The following SRRM1 variants were observed in gnomAD, a reference collection of about 807,000 sequenced individuals.
SRRM1 encodes serine and arginine repetitive matrix 1.
Under a neutral mutation model 110.2 loss-of-function variants are expected in SRRM1, and 19 were observed. That is an observed-to-expected ratio of 0.17 (90% CI 0.12 to 0.25). The LOEUF (loss-of-function observed/expected upper bound fraction) is 0.25, where lower values mean the gene tolerates loss of function less well. SRRM1 is among the 10% of genes least tolerant of loss of function. The pLI is 1.00. For missense variants in SRRM1, 918 were observed against 1,145.8 expected, an observed-to-expected ratio of 0.80 and a Z score of 2.87; for synonymous variants, 443 against 414.9, an observed-to-expected ratio of 1.07 and a Z score of -0.82.
chr1:24,671,332 G>C (rs768694095), intron 15 of SRRM1, 54 bp from the exon 16 acceptor site: 1 of 1,479,964 alleles, frequency 6.8e-7, no homozygotes, highest in Non-Finnish European at 9.2e-7. Flanking sequence ...CAGTTGGACA[G>C]AATATTAATC....
At chr1:24,658,245 C>T (rs1398918752) in intron 9 of SRRM1, among the ~76,000 whole-genome samples, 1 of 137,010 alleles carries the variant, frequency 7.3e-6, no homozygotes, top group African/African-American at 3.0e-5. Context: ...GAGTCTTGCT[C>T]TGTCGCCCAG....
intron 2 of SRRM1, among the ~76,000 whole-genome samples, chr1:24,646,355 G>A (rs1308423828): frequency 6.6e-6 from 1 of 151,918 alleles, no homozygotes; most frequent in South Asian, 2.1e-4. Context: ...GTGAAACCCT[G>A]TCTCTACTAA....
At chr1:24,647,748 A>G (rs534396292) in intron 3 of SRRM1, 1 of 152,756 alleles carries the variant, frequency 6.5e-6, no homozygotes, top group African/African-American at 2.4e-5. Context: ...TTTGTTTTGA[A>G]TATTTTTAAA....
chr1:24,663,214 G>A (rs1475619948), intron 12 of SRRM1: 2 of 1,512,662 alleles, frequency 1.3e-6, no homozygotes, highest in Non-Finnish European at 1.8e-6. Flanking sequence ...GCAATCGCCA[G>A]TGACTAAAAG....
chr1:24,643,577 C>T, intron 1 of SRRM1: 1 of 408,882 alleles, frequency 2.4e-6, no homozygotes, highest in Non-Finnish European at 4.3e-6. Context: ...GCGACGGTGG[C>T]CGGAAAATGG....
chr1:24,649,057 C>T (rs370911450), intron 4 of SRRM1, 28 bp downstream of exon 4: 406 of 1,601,084 alleles, frequency 2.5e-4, no homozygotes, highest in Non-Finnish European at 3.2e-4. Flanking sequence ...TCTGTAATGT[C>T]GATTTGAGAG....
Position 24,670,196 on chromosome 1 carries a change from G to A in SRRM1, c.2281G>A (p.Ala761Thr), listed in dbSNP as rs759132122. 1.2e-6 allele frequency: 2 copies of A among 1,613,888 alleles called. No individual in the cohort carries two copies. Among genetic ancestry groups the A allele is most frequent in the Non-Finnish European group, 1.7e-6 (2 of 1,180,022 alleles). Residue 761 changes from alanine to threonine, a missense_variant, in exon 15 of 17, where the codon GCT (alanine) becomes ACT (threonine). This residue lies in a region of SRRM1 where 357 missense variants were observed against 402.9 expected (regional missense o/e 0.89). Transcript: ENST00000323848. ...RSVSGSPEPA[A>T]KKPPAPPSPV... is the part of the protein sequence containing the mutation. ...TGTCTCCGGGTCTCCTGAGCCAGCAGCTAAAAAGCCCCCAGCACCTCCATC... is the reference window on the plus strand; with the variant it reads ...TGTCTCCGGGTCTCCTGAGCCAGCAACTAAAAAGCCCCCAGCACCTCCATC...
chr1:24,649,795 C>T (rs1016157676), intron 4 of SRRM1, among the ~76,000 whole-genome samples, 176 bp from the exon 5 acceptor site: 4 of 151,838 alleles, frequency 2.6e-5, no homozygotes, highest in Admixed American at 2.6e-4. Flanking sequence ...AAATGAGTGG[C>T]GATAATACCA....
intron 10 of SRRM1, 115 bp downstream of exon 10, chr1:24,660,914 G>C: frequency 3.0e-6 from 2 of 673,434 alleles, no homozygotes; most frequent in Non-Finnish European, 2.5e-6. Context: ...TTAAGTATAG[G>C]GTAAGAGCTA....
At chr1:24,663,294 G>C in intron 12 of SRRM1, 8 of 1,219,872 alleles carry the variant, frequency 6.6e-6, no homozygotes, top group Non-Finnish European at 9.2e-6. Flanking sequence ...TTCCTATTTA[G>C]GTGACCTCAT....
In SRRM1 at chr1:24,652,575, G is replaced by A; in HGVS notation, c.867G>A (p.Arg289=). The A allele has an allele frequency of 6.2e-7, 1 of 1,613,544 alleles. No homozygotes were observed. Among genetic ancestry groups the A allele is most frequent in the East Asian group, 2.2e-5 (1 of 44,840 alleles). ...GCTCCAAATCAAGATCCCGGACGCGGTCCCGCTCTCCTTCTCACACTCGAC... is the reference window on the plus strand; with the variant it reads ...GCTCCAAATCAAGATCCCGGACGCGATCCCGCTCTCCTTCTCACACTCGAC... ...RSRSKSRSRT[R]SRSPSHTRPR... Residue 289 remains arginine, a synonymous_variant, in exon 7 of 17, where the codon CGG becomes CGA. Coordinates refer to ENST00000323848, the MANE Select transcript of SRRM1 (RefSeq NM_005839.4).
At chr1:24,661,234 C>A in intron 10 of SRRM1, 76 bp from the exon 11 acceptor site, 1 of 1,010,110 alleles carries the variant, frequency 9.9e-7, no homozygotes, top group Non-Finnish European at 1.5e-6. Context: ...GTTTGAGAGA[C>A]TATTTTCCTA....
At position 24,652,606 on chromosome 1, in the gene SRRM1, C is replaced by T. The variant is rs766581072; in HGVS notation, c.898C>T (p.Arg300Trp). 35 of 1,606,274 alleles carry T rather than the reference C, an allele frequency of 2.2e-5. No individual in the cohort carries two copies. Among genetic ancestry groups the T allele is most frequent in the African/African-American group, 5.4e-5 (4 of 74,272 alleles). The change falls in exon 7 of 17, where the codon CGG becomes TGG. Residue 300 changes from arginine (R) to tryptophan (W), a missense_variant. Transcript: ENST00000323848. ...SRSPSHTRPR[R>W]RHRSRSRSYS... ...CTCTCCTTCTCACACTCGACCTAGA[C>T]GGCGCCATAGATCCCGATCAAGGTG...
intron 8 of SRRM1, 105 bp from the exon 9 acceptor site, chr1:24,654,750 C>T: frequency 7.1e-7 from 1 of 1,401,570 alleles, no homozygotes; most frequent in Non-Finnish European, 9.8e-7. Flanking sequence ...TACATAAACT[C>T]AAAAGTCGGA....
intron 4 of SRRM1, 116 bp from the exon 5 acceptor site, chr1:24,649,855 A>T: frequency 1.1e-6 from 1 of 919,224 alleles, no homozygotes; most frequent in Non-Finnish European, 1.6e-6. Flanking sequence ...GGTCTGGTTC[A>T]AAAGAAGAGG....
At chr1:24,650,197 T>C in intron 5 of SRRM1, 111 bp downstream of exon 5, 3 of 1,106,160 alleles carry the variant, frequency 2.7e-6, no homozygotes, top group Non-Finnish European at 3.6e-6. Context: ...TGTTCCATCA[T>C]GCAGTTTTCA....
chr1:24,651,755 G>T (rs899188889), intron 6 of SRRM1, 143 bp downstream of exon 6: 22 of 723,318 alleles, frequency 3.0e-5, no homozygotes, highest in Non-Finnish European at 4.2e-5. Context: ...AAAAGAAATT[G>T]TTTAGGAGAG....
Position 24,661,400 on chromosome 1 carries a change from T to C in SRRM1, c.1483+4T>C. The C allele has an allele frequency of 6.2e-7, 1 of 1,607,556 alleles. No individual in the cohort carries two copies. Among genetic ancestry groups the C allele is most frequent in the Middle Eastern group, 1.7e-4 (1 of 6,040 alleles). On this transcript the variant is annotated splice_donor_region_variant and intron_variant, in intron 11 of 16. Transcript: ENST00000323848. Reference sequence around the variant, plus strand: ...CAAAACCAGCAGTCTTCATCTGGTATGGATGGTGATGAAAGTTTTTTTTCT... The same window carrying C: ...CAAAACCAGCAGTCTTCATCTGGTACGGATGGTGATGAAAGTTTTTTTTCT...
chr1:24,654,261 A>G (rs1662719591), intron 8 of SRRM1: 1 of 1,277,968 alleles, frequency 7.8e-7, no homozygotes, highest in Non-Finnish European at 1.0e-6. Flanking sequence ...ATTCCCTTTC[A>G]GCCAGTTTTT....
Sources: allele counts gnomAD v4.1 joint callset (sites outside exome capture counted in the v4.1 genomes callset), GRCh38; gene constraint gnomAD v4.1.1; regional missense constraint gnomAD v4.1.1; transcripts MANE v1.5; gene names NCBI Gene and HGNC (gene_info 2026-07-23, HGNC 2026-07-21).